Variants in DNM3 observed in about 807,000 individuals in gnomAD.
DNM3 encodes dynamin 3.
A neutral mutation model predicts 101.6 loss-of-function variants in DNM3; 47 were observed. That is an observed-to-expected ratio of 0.46 (90% confidence interval 0.37 to 0.59). The LOEUF is 0.59. DNM3 is among the 20% of genes least tolerant of loss of function. DNM3 has a pLI of 0.00. For synonymous variants in DNM3, 385 were observed against 387.9 expected (o/e 0.99, Z 0.09); for missense variants, 849 against 1,085.7 (o/e 0.78, Z 3.06).
Position 171,889,120 on chromosome 1 carries a change from C to G in DNM3, c.162-32628C>G, listed in dbSNP as rs139028972. ...TCAGCCTCCTGAGTAGCTGGGGCCA[C>G]AGGCATGGACCACCATGCCCGGCTA... is the stretch of plus-strand genomic sequence containing the variant. On this transcript the variant is annotated intron_variant, in intron 1 of 20. Coordinates refer to ENST00000627582, the MANE Select transcript of DNM3 (RefSeq NM_015569.5). 1.4e-4 allele frequency among the ~76,000 whole-genome samples: 21 copies of G among 152,208 alleles called. No homozygotes were observed. In the East Asian group the frequency reaches 4.1e-3, roughly 29 times the overall value.
chr1:172,038,420 C>A lies in DNM3; in HGVS notation c.951C>A (p.Phe317Leu). The change falls in exon 7 of 21, where the codon TTC becomes TTA. Residue 317 changes from phenylalanine to leucine, a missense_variant. By Grantham distance (22) the Phe-to-Leu change is conservative (BLOSUM62 0). Coordinates refer to ENST00000627582, the MANE Select transcript of DNM3 (RefSeq NM_015569.5). Reference sequence around the variant, plus strand: ...ATGAAGTAGAAGCCTACAAAAATTTCAAACCAGAAGACCCAACAAGGAAGA... The same window carrying A: ...ATGAAGTAGAAGCCTACAAAAATTTAAAACCAGAAGACCCAACAAGGAAGA... ...IEHEVEAYKN[F>L]KPEDPTRKTK... The A allele has an allele frequency of 6.2e-7, 1 of 1,613,410 alleles. No individual in the cohort carries two copies.
rs554868535 is a variant in DNM3, at chr1:172,346,122, C to CA, written c.1893+22802dup. Among the ~76,000 whole-genome samples the CA allele has an allele frequency of 8.0e-3, 737 of 91,750 alleles. 6 individuals carry two copies. Among genetic ancestry groups the CA allele is most frequent in the East Asian group, 0.027 (63 of 2,298 alleles). 60.2% of individuals were successfully genotyped at this position (91,750 alleles called of 152,430 possible). On this transcript the variant is annotated intron_variant, in intron 17 of 20. Transcript: ENST00000627582. ...TGGGCGACAGAGCGAGACTCCGTCT[C>CA]AAAAAAAAAAAAAAAAAAAAGAAAG...
At chr1:172,207,582 G>A (rs563483865) in intron 14 of DNM3, among the ~76,000 whole-genome samples, 106 of 152,176 alleles carry the variant, frequency 7.0e-4, no homozygotes, top group African/African-American at 2.4e-3. Context: ...ACAGGAGAAA[G>A]GCATTGAATT....
intron 13 of DNM3, among the ~76,000 whole-genome samples, chr1:172,104,177 A>C (rs930738836): frequency 5.9e-5 from 9 of 152,218 alleles, no homozygotes; most frequent in African/African-American, 2.2e-4. Context: ...TATATATAGT[A>C]CAAATATTTT....
chr1:172,297,068 G>A (rs183122490), intron 15 of DNM3, among the ~76,000 whole-genome samples: 2 of 151,730 alleles, frequency 1.3e-5, no homozygotes, highest in Admixed American at 6.6e-5. Context: ...GCTTGAACCT[G>A]GGAGGCGGAG....
At chr1:171,996,279 A>C (rs2045989929) in intron 4 of DNM3, among the ~76,000 whole-genome samples, 1 of 152,168 alleles carries the variant, frequency 6.6e-6, no homozygotes. Context: ...TCAAACTCCT[A>C]GCCATCAGAA....
At chr1:172,129,175 G>C (rs2056800617) in intron 13 of DNM3, among the ~76,000 whole-genome samples, 1 of 152,168 alleles carries the variant, frequency 6.6e-6, no homozygotes, top group Non-Finnish European at 1.5e-5. Context: ...AATGGTCTTA[G>C]TGTGAAATAA....
chr1:172,012,051 G>T (rs1348495491), intron 4 of DNM3, among the ~76,000 whole-genome samples: 1 of 151,896 alleles, frequency 6.6e-6, no homozygotes, highest in African/African-American at 2.4e-5. Context: ...ATTTAACTTT[G>T]GTATGCCAGC....
intron 2 of DNM3, among the ~76,000 whole-genome samples, chr1:171,957,908 C>T (rs1422565631): frequency 6.6e-6 from 1 of 152,180 alleles, no homozygotes; most frequent in African/African-American, 2.4e-5. Context: ...TGCCTGTTAC[C>T]CAGTTCCAAA....
downstream of DNM3, among the ~76,000 whole-genome samples, chr1:172,416,007 T>C (rs1293014489): frequency 6.6e-6 from 1 of 152,202 alleles, no homozygotes. Flanking sequence ...TACACCCATG[T>C]TCCAGATACA....
At chr1:172,213,539 G>T (rs1458430144) in intron 14 of DNM3, among the ~76,000 whole-genome samples, 1 of 71,214 alleles carries the variant, frequency 1.4e-5, no homozygotes, top group Non-Finnish European at 2.5e-5. Context: ...AAAAAAAAAA[G>T]CCTATTGGTG....
At chr1:171,986,801 T>C (rs1467462629) in intron 2 of DNM3, among the ~76,000 whole-genome samples, 1 of 152,144 alleles carries the variant, frequency 6.6e-6, no homozygotes, top group Non-Finnish European at 1.5e-5. Context: ...ATTGAGATAT[T>C]AGATAAACTA....
chr1:172,417,560 A>T (rs533219227), downstream of DNM3, among the ~76,000 whole-genome samples: 1 of 152,192 alleles, frequency 6.6e-6, no homozygotes, highest in South Asian at 2.1e-4. Flanking sequence ...CAAATCAGAA[A>T]TACAGTTATA....
At chr1:172,126,718 C>CT (rs553434172) in intron 13 of DNM3, among the ~76,000 whole-genome samples, 1,475 of 146,034 alleles carry the variant, frequency 0.01, 21 homozygotes, top group African/African-American at 0.03. Flanking sequence ...ACGGTACCTG[C>CT]TTTTTTTTTT....
intron 17 of DNM3, among the ~76,000 whole-genome samples, chr1:172,335,734 A>G (rs1456231201): frequency 1.3e-5 from 2 of 152,150 alleles, no homozygotes; most frequent in Non-Finnish European, 2.9e-5. Context: ...AGTGGGAGCT[A>G]AACACTGAGT....
chr1:171,864,428 G>GT (rs1193647114), intron 1 of DNM3: 4 of 152,234 alleles, frequency 2.6e-5, no homozygotes, highest in South Asian at 4.1e-4. Flanking sequence ...TTAAGGAGCT[G>GT]TGCCAGTAAG....
At chr1:171,972,887 C>A (rs2044112299) in intron 2 of DNM3, among the ~76,000 whole-genome samples, 1 of 151,834 alleles carries the variant, frequency 6.6e-6, no homozygotes, top group South Asian at 2.1e-4. Context: ...ACAACAACAA[C>A]AACAAAAACC....
At chr1:172,299,353 C>A (rs987511760) in intron 15 of DNM3, among the ~76,000 whole-genome samples, 3 of 152,178 alleles carry the variant, frequency 2.0e-5, no homozygotes, top group Admixed American at 1.3e-4. Flanking sequence ...TTCAGAAGAT[C>A]ATGAAGATTC....
chr1:172,032,587 C>T (rs2048696952), intron 5 of DNM3, 87 bp downstream of exon 5: 1 of 822,756 alleles, frequency 1.2e-6, no homozygotes, highest in Non-Finnish European at 1.8e-6. Flanking sequence ...TGGGAAGCCA[C>T]TAGGAGGTTT....
Sources: allele counts gnomAD v4.1 joint callset (sites outside exome capture counted in the v4.1 genomes callset), GRCh38; gene constraint gnomAD v4.1.1; transcripts MANE v1.5; gene names NCBI Gene and HGNC (gene_info 2026-07-23, HGNC 2026-07-21).